PLSCR2: variants seen among roughly 807,000 people sequenced by gnomAD.
PLSCR2 encodes the protein phospholipid scramblase 2.
A neutral mutation model predicts 25.3 loss-of-function variants in PLSCR2; 18 were observed. That is an observed-to-expected ratio of 0.71 (90% CI 0.49 to 1.06). The LOEUF is 1.06. Ranked by LOEUF, PLSCR2 falls within the 50% of genes least tolerant of loss-of-function variation. The probability of loss-of-function intolerance (pLI) is 0.00; values close to 1 mark genes in which losing one functional copy is unlikely to be tolerated. For synonymous variants in PLSCR2, 88 were observed against 87.3 expected, an observed-to-expected ratio of 1.01 and a Z score of -0.04; for missense variants, 243 against 269.5, an observed-to-expected ratio of 0.90 and a Z score of 0.69.
chr3:146,457,254 T>C (rs1312076204), intron 3 of PLSCR2, among the ~76,000 whole-genome samples: 3 of 152,238 alleles, frequency 2.0e-5, no homozygotes, highest in African/African-American at 7.2e-5. Flanking sequence ...ATAACAGATA[T>C]ATTCTAAAAA....
intron 2 of PLSCR2, among the ~76,000 whole-genome samples, chr3:146,419,877 A>C (rs1287117863): frequency 6.6e-6 from 1 of 152,080 alleles, no homozygotes; most frequent in Non-Finnish European, 1.5e-5. Flanking sequence ...CCCTTAACTT[A>C]ATCACATATG....
intron 6 of PLSCR2, among the ~76,000 whole-genome samples, chr3:146,442,448 T>C (rs1026814428): frequency 1.3e-5 from 2 of 151,934 alleles, no homozygotes; most frequent in African/African-American, 4.8e-5. Flanking sequence ...TTCACAGATA[T>C]AGAAAAAATA....
At chr3:146,404,942 T>C (rs547038508) in intron 2 of PLSCR2, among the ~76,000 whole-genome samples, 1 of 152,092 alleles carries the variant, frequency 6.6e-6, no homozygotes, top group East Asian at 1.9e-4. Flanking sequence ...CTGGACATAC[T>C]CAGGGTGGGG....
At chr3:146,462,620 C>T (rs926401197), upstream of PLSCR2, among the ~76,000 whole-genome samples, 1 of 151,878 alleles carries the variant, frequency 6.6e-6, no homozygotes, top group Non-Finnish European at 1.5e-5. Flanking sequence ...CACACGCCAC[C>T]ATACCCAGCT....
intron 1 of PLSCR2, among the ~76,000 whole-genome samples, chr3:146,468,890 T>G (rs2041984486): frequency 1.3e-5 from 2 of 152,238 alleles, no homozygotes; most frequent in Admixed American, 1.3e-4. Context: ...ACTTACACAA[T>G]TTCAGAAATG....
downstream of PLSCR2, among the ~76,000 whole-genome samples, chr3:146,440,895 T>C (rs749935084): frequency 1.3e-5 from 2 of 152,190 alleles, no homozygotes; most frequent in Non-Finnish European, 2.9e-5. Context: ...GATACACATA[T>C]TTTTTATTTC....
downstream of PLSCR2, among the ~76,000 whole-genome samples, chr3:146,438,139 C>G (rs2039999185): frequency 6.6e-6 from 1 of 151,914 alleles, no homozygotes; most frequent in Non-Finnish European, 1.5e-5. Context: ...GTCTGAGAGA[C>G]AGTTTTTTAT....
intron 2 of PLSCR2, among the ~76,000 whole-genome samples, chr3:146,413,811 C>G (rs2038926160): frequency 6.6e-6 from 1 of 152,190 alleles, no homozygotes; most frequent in African/African-American, 2.4e-5. Context: ...GCAATCTAGC[C>G]TTTTTCTAGC....
intron 1 of PLSCR2, among the ~76,000 whole-genome samples, chr3:146,467,170 A>G (rs528838176): frequency 1.1e-4 from 16 of 152,342 alleles, no homozygotes; most frequent in East Asian, 9.6e-4. Flanking sequence ...GTATAAATGT[A>G]TAAGTACATA....
chr3:146,442,985 A>G (rs570620874), intron 6 of PLSCR2, among the ~76,000 whole-genome samples: 12 of 152,186 alleles, frequency 7.9e-5, no homozygotes, highest in Non-Finnish European at 1.5e-4. Flanking sequence ...AAGCTTTTGC[A>G]CAGCAAAGGA....
downstream of PLSCR2, among the ~76,000 whole-genome samples, chr3:146,440,578 T>A (rs749483938): frequency 7.2e-5 from 11 of 152,156 alleles, no homozygotes; most frequent in Non-Finnish European, 1.5e-4. Flanking sequence ...CTGAGACAGG[T>A]GTGGGATGTA....
At chr3:146,488,063 A>G (rs762590745) in intron 1 of PLSCR2, among the ~76,000 whole-genome samples, 4 of 152,182 alleles carry the variant, frequency 2.6e-5, no homozygotes, top group Non-Finnish European at 5.9e-5. Context: ...GACAAAAACA[A>G]GAAATGGGGA....
At chr3:146,483,428 A>ATAT (rs1553791429) in intron 1 of PLSCR2, among the ~76,000 whole-genome samples, 17 of 103,706 alleles carry the variant, frequency 1.6e-4, no homozygotes, top group African/African-American at 5.3e-4. Flanking sequence ...ACTTAAACTT[A>ATAT]ATATATATAT....
intron 1 of PLSCR2, among the ~76,000 whole-genome samples, chr3:146,487,834 A>C (rs2043401369): frequency 6.6e-6 from 1 of 152,196 alleles, no homozygotes; most frequent in Non-Finnish European, 1.5e-5. Flanking sequence ...TTTAAATTTC[A>C]TATGGAACCA....
chr3:146,412,613 C>A (rs1279743465), intron 2 of PLSCR2, among the ~76,000 whole-genome samples: 1 of 152,098 alleles, frequency 6.6e-6, no homozygotes, highest in Non-Finnish European at 1.5e-5. Context: ...AGCACTTGAA[C>A]ATAAATTTAA....
intron 3 of PLSCR2, among the ~76,000 whole-genome samples, chr3:146,456,133 A>G (rs1432733138): frequency 6.6e-6 from 1 of 152,178 alleles, no homozygotes; most frequent in Non-Finnish European, 1.5e-5. Flanking sequence ...CTAGACCACG[A>G]GCATCCTAAG....
At chr3:146,423,035 T>C (rs2039202190) in intron 2 of PLSCR2, among the ~76,000 whole-genome samples, 1 of 152,068 alleles carries the variant, frequency 6.6e-6, no homozygotes, top group African/African-American at 2.4e-5. Context: ...ATTTTGCTTA[T>C]TAGGATGTCG....
intron 1 of PLSCR2, among the ~76,000 whole-genome samples, chr3:146,473,303 CTT>C (rs35755415): frequency 1.1e-4 from 13 of 121,330 alleles, no homozygotes; most frequent in Admixed American, 2.7e-4. Context: ...AAAGTACTAT[CTT>C]TTTTTTTTTT....
chr3:146,449,476 A>G (rs2040767383), intron 5 of PLSCR2, 109 bp from the exon 6 acceptor site: 1 of 651,440 alleles, frequency 1.5e-6, no homozygotes, highest in Non-Finnish European at 2.6e-6. Context: ...TTTATGCACC[A>G]TACATGAGTA....
Sources: allele counts gnomAD v4.1 joint callset (sites outside exome capture counted in the v4.1 genomes callset), GRCh38; gene constraint gnomAD v4.1.1; transcripts MANE v1.5; gene names NCBI Gene and HGNC (gene_info 2026-07-23, HGNC 2026-07-21).